Variants in RANBP17 observed in about 807,000 individuals in gnomAD.
The protein encoded by RANBP17 is ran-binding protein 17.
RANBP17 carries 158 observed loss-of-function variants against 141.2 expected under a neutral mutation model. That is an observed-to-expected ratio of 1.12 (90% CI 0.98 to 1.28). The LOEUF is 1.28. Ranked by LOEUF, RANBP17 falls within the 50% of genes most tolerant of loss-of-function variation. RANBP17 has a pLI of 0.00. For synonymous variants in RANBP17, 430 were observed against 450.0 expected, an observed-to-expected ratio of 0.96 and a Z score of 0.56; for missense variants, 1,438 against 1,290.7, an observed-to-expected ratio of 1.11 and a Z score of -1.75.
chr5:171,205,575 A>G lies in RANBP17; in HGVS notation c.2194A>G (p.Asn732Asp). 1 of 1,614,016 alleles carries G rather than the reference A, an allele frequency of 6.2e-7. No individual in the cohort carries two copies. Among genetic ancestry groups the G allele is most frequent in the Admixed American group, 1.7e-5 (1 of 59,998 alleles). The part of the protein sequence containing the change: ...RDLRGIAFAL[N>D]TKTSYTMLFD... ...TCTTCGAGGGATTGCCTTTGCACTG[A>G]ACACAAAGACCAGCTACACCATGCT... Residue 732 changes from asparagine to aspartate, a missense_variant, in exon 20 of 28, where the codon AAC (asparagine) becomes GAC (aspartate). Coordinates refer to ENST00000523189, the MANE Select transcript of RANBP17 (RefSeq NM_022897.5).
chr5:170,971,569 G>A (rs1336864295), intron 14 of RANBP17, among the ~76,000 whole-genome samples: 1 of 152,074 alleles, frequency 6.6e-6, no homozygotes, highest in Non-Finnish European at 1.5e-5. Context: ...TGTTGAATGG[G>A]CCCTTGAAAC....
At chr5:171,099,114 A>G (rs1314342149) in intron 14 of RANBP17, among the ~76,000 whole-genome samples, 2 of 152,132 alleles carry the variant, frequency 1.3e-5, no homozygotes, top group East Asian at 1.9e-4. Context: ...TTGGTTCCAT[A>G]TGAAATTTAA....
At chr5:171,291,624 T>C (rs1036424369) in intron 25 of RANBP17, among the ~76,000 whole-genome samples, 1 of 152,228 alleles carries the variant, frequency 6.6e-6, no homozygotes, top group Non-Finnish European at 1.5e-5. Flanking sequence ...ACCTGGGAAG[T>C]GATTCTGTGC....
chr5:171,190,042 C>T (rs1561747308), intron 18 of RANBP17, among the ~76,000 whole-genome samples: 1 of 150,872 alleles, frequency 6.6e-6, no homozygotes, highest in African/African-American at 2.4e-5. Flanking sequence ...ATAAGAATCA[C>T]AGAAAAAAAA....
chr5:171,168,508 T>C (rs1337442298), intron 14 of RANBP17, among the ~76,000 whole-genome samples: 1 of 152,180 alleles, frequency 6.6e-6, no homozygotes. Flanking sequence ...TGTATACTTC[T>C]ATATACGAGA....
chr5:170,944,441 A>G (rs1398715355), intron 12 of RANBP17, among the ~76,000 whole-genome samples: 2 of 151,992 alleles, frequency 1.3e-5, no homozygotes, highest in Non-Finnish European at 2.9e-5. Context: ...TAATTTTGAT[A>G]TTTTTTGGTA....
chr5:171,053,908 TATATATATATATATATA>T (rs1561596536), intron 14 of RANBP17, among the ~76,000 whole-genome samples: 1,622 of 137,852 alleles, frequency 0.012, 77 homozygotes, highest in African/African-American at 0.032. Context: ...TATATATATA[TATATATATATATATATA>T]ATTGCTGTAT....
chr5:171,155,094 A>AAAAAATATATATATATAT, intron 14 of RANBP17, among the ~76,000 whole-genome samples: 1 of 74,960 alleles, frequency 1.3e-5, no homozygotes, highest in Admixed American at 1.7e-4. Context: ...AAAAAAAAAA[A>AAAAAATATATATATATAT]ATATATATAT....
chr5:171,202,817 G>T (rs1247167085), intron 19 of RANBP17, among the ~76,000 whole-genome samples: 1 of 152,134 alleles, frequency 6.6e-6, no homozygotes, highest in African/African-American at 2.4e-5. Context: ...AAAGCACAAT[G>T]ACCCTTCACC....
chr5:170,970,688 C>T (rs1375711298), intron 14 of RANBP17: 2 of 152,032 alleles, frequency 1.3e-5, no homozygotes. Flanking sequence ...TGGGTTAAGA[C>T]ACTATTTTTT....
At chr5:171,060,289 T>C (rs1472385546) in intron 14 of RANBP17, among the ~76,000 whole-genome samples, 1 of 136,646 alleles carries the variant, frequency 7.3e-6, no homozygotes, top group South Asian at 3.1e-4. Flanking sequence ...CAGTATGATA[T>C]TGGCTGTGGG....
chr5:171,080,511 G>T, intron 14 of RANBP17, among the ~76,000 whole-genome samples: 1 of 152,128 alleles, frequency 6.6e-6, no homozygotes, highest in South Asian at 2.1e-4. Flanking sequence ...AGCACTTAGC[G>T]TTAGGAGTTT....
intron 25 of RANBP17, among the ~76,000 whole-genome samples, chr5:171,281,871 A>T (rs988455440): frequency 6.6e-6 from 1 of 152,232 alleles, no homozygotes; most frequent in African/African-American, 2.4e-5. Flanking sequence ...CCTTAAGGGC[A>T]GAAGTTCCAC....
chr5:171,196,897 C>T (rs1212511097), intron 18 of RANBP17, among the ~76,000 whole-genome samples: 1 of 152,036 alleles, frequency 6.6e-6, no homozygotes, highest in Non-Finnish European at 1.5e-5. Context: ...CCAGGGGATC[C>T]TCCTACCCCA....
chr5:171,286,384 G>A (rs1768172017), intron 25 of RANBP17, among the ~76,000 whole-genome samples: 1 of 152,126 alleles, frequency 6.6e-6, no homozygotes, highest in South Asian at 2.1e-4. Flanking sequence ...TTTTTTAAAA[G>A]AGAGGTGCAC....
intron 25 of RANBP17, among the ~76,000 whole-genome samples, chr5:171,289,049 A>G (rs1053593827): frequency 3.3e-5 from 5 of 152,166 alleles, no homozygotes; most frequent in Non-Finnish European, 5.9e-5. Flanking sequence ...TTAGCTCTTT[A>G]TACTTTACCT....
In RANBP17 at chr5:171,183,218, A is replaced by T. The variant is rs554053235; in HGVS notation, c.1917A>T (p.Leu639=). ...AGATAGATGCTGTGAAATTCATGCT[A>T]AAAAACCACACGGTAAGTCTTATTT... The part of the protein sequence containing the change: ...LVKIDAVKFM[L]KNHTSEHFPF... Residue 639 remains leucine (L), a synonymous_variant, in exon 17 of 28, where the codon CTA becomes CTT. Coordinates refer to ENST00000523189, the MANE Select transcript of RANBP17 (RefSeq NM_022897.5). 3.8e-6 allele frequency: 6 copies of T among 1,597,028 alleles called. No individual in the cohort carries two copies. Among genetic ancestry groups the T allele is most frequent in the Admixed American group, 1.7e-5 (1 of 59,980 alleles).
chr5:171,195,211 A>C (rs1761902909), intron 18 of RANBP17, among the ~76,000 whole-genome samples: 1 of 152,340 alleles, frequency 6.6e-6, no homozygotes, highest in East Asian at 1.9e-4. Flanking sequence ...AAAAAAACTA[A>C]CAGCTTCAAT....
intron 22 of RANBP17, among the ~76,000 whole-genome samples, chr5:171,228,225 C>G (rs1475856020): frequency 1.3e-5 from 2 of 152,184 alleles, no homozygotes; most frequent in African/African-American, 4.8e-5. Context: ...CCATCAAGAA[C>G]ATTTGTGATT....
Sources: allele counts gnomAD v4.1 joint callset (sites outside exome capture counted in the v4.1 genomes callset), GRCh38; gene constraint gnomAD v4.1.1; transcripts MANE v1.5; gene names NCBI Gene and HGNC (gene_info 2026-07-23, HGNC 2026-07-21).